The following LOC122455342 variants were observed in gnomAD, a reference collection of about 807,000 sequenced individuals.
chr17:76,569,084 G>T, the LOC122455342 span: 1 of 151,236 alleles, frequency 6.6e-6, no homozygotes, highest in Non-Finnish European at 1.2e-5. Flanking sequence ...TGGGGGTGGT[G>T]GGGGGGCGGG....
chr17:76,568,904 A>G, the LOC122455342 span: 1 of 1,040,330 alleles, frequency 9.6e-7, no homozygotes, highest in Admixed American at 1.9e-5. Context: ...CCTGAGCGGT[A>G]GGAGCGGGGC....
chr17:76,569,273 G>A, the LOC122455342 span: 1 of 309,624 alleles, frequency 3.2e-6, no homozygotes, highest in East Asian at 5.0e-5. Flanking sequence ...TTCTGAATTG[G>A]CCCGATATAG....
the LOC122455342 span, chr17:76,569,064 G>A: frequency 2.5e-5 from 3 of 118,128 alleles, no homozygotes; most frequent in African/African-American, 9.1e-5. Flanking sequence ...TTGGGAAGGG[G>A]CAGTTAAACT....
the LOC122455342 span, chr17:76,568,868 T>A: frequency 5.9e-5 from 83 of 1,398,612 alleles, no homozygotes; most frequent in Non-Finnish European, 7.5e-5. Context: ...GAGGGGAGGG[T>A]CAGGGCGCCG....
chr17:76,569,421 GCGGGGCACGTGTTGGACCT>G, the LOC122455342 span: 1 of 385,022 alleles, frequency 2.6e-6, no homozygotes, highest in Non-Finnish European at 4.5e-6. Context: ...GGGCAGCCCC[GCGGGGCACGTGTTGGACCT>G]GAGGACTGGG....
chr17:76,569,449 G>C, the LOC122455342 span: 1 of 365,090 alleles, frequency 2.7e-6, no homozygotes, highest in African/African-American at 2.3e-5. Context: ...CTGAGGACTG[G>C]GGTTCAGGGA....
the LOC122455342 span, chr17:76,569,239 TA>T: frequency 4.6e-6 from 1 of 218,192 alleles, no homozygotes; most frequent in Non-Finnish European, 7.8e-6. Context: ...GCGGGGCACA[TA>T]GGGGGTGATA....
At chr17:76,569,379 G>T in the LOC122455342 span, 13 of 395,884 alleles carry the variant, frequency 3.3e-5, no homozygotes, top group African/African-American at 2.3e-4. Context: ...CAGACTGGGA[G>T]GGAGATTTGG....
chr17:76,569,351 G>A, the LOC122455342 span: 11 of 392,414 alleles, frequency 2.8e-5, no homozygotes, highest in Admixed American at 4.5e-5. Context: ...GAAGGGTTTC[G>A]AGAGAGGGAT....
chr17:76,569,521 GAA>G, the LOC122455342 span: 1 of 209,698 alleles, frequency 4.8e-6, no homozygotes, highest in Non-Finnish European at 8.9e-6. Flanking sequence ...GGGCCGGGAG[GAA>G]GAGCCCCGAG....
the LOC122455342 span, chr17:76,569,614 G>A: frequency 7.5e-6 from 3 of 398,696 alleles, no homozygotes; most frequent in Non-Finnish European, 1.3e-5. Context: ...AGACTGGGTA[G>A]GGGATGGATT....
chr17:76,568,932 G>T, the LOC122455342 span: 2 of 749,120 alleles, frequency 2.7e-6, no homozygotes, highest in African/African-American at 1.8e-5. Flanking sequence ...AGTAGCGGGA[G>T]AAGGGGGTGT....
chr17:76,569,505 G>A, the LOC122455342 span: 1 of 197,006 alleles, frequency 5.1e-6, no homozygotes, highest in East Asian at 9.7e-5. Context: ...TGGGAGGGTG[G>A]GAGGGGGGCC....
the LOC122455342 span, chr17:76,569,449 G>A: frequency 2.7e-6 from 1 of 365,090 alleles, no homozygotes; most frequent in Admixed American, 4.9e-5. Context: ...CTGAGGACTG[G>A]GGTTCAGGGA....
At chr17:76,569,391 G>T in the LOC122455342 span, 6 of 394,238 alleles carry the variant, frequency 1.5e-5, no homozygotes, top group Non-Finnish European at 2.7e-5. Flanking sequence ...GAGATTTGGA[G>T]GTGGGTGGGG....
chr17:76,568,811 A>G, the LOC122455342 span: 24 of 1,612,392 alleles, frequency 1.5e-5, no homozygotes, highest in Non-Finnish European at 1.9e-5. Flanking sequence ...GACCCATGAT[A>G]GAAGTGGACA....
the LOC122455342 span, chr17:76,569,640 G>A: frequency 2.5e-6 from 1 of 398,616 alleles, no homozygotes; most frequent in Non-Finnish European, 4.4e-6. Context: ...TGTGGGAAGG[G>A]GAGCTCATTG....
At chr17:76,569,538 G>C in the LOC122455342 span, 6 of 394,682 alleles carry the variant, frequency 1.5e-5, no homozygotes, top group Non-Finnish European at 2.2e-5. Flanking sequence ...CCCGAGTGGG[G>C]GAGGGGGAAG....
chr17:76,568,821 A>G, the LOC122455342 span: 1 of 1,610,826 alleles, frequency 6.2e-7, no homozygotes, highest in Non-Finnish European at 8.5e-7. Context: ...AGAAGTGGAC[A>G]GAGCGCCCAG....
Sources: allele counts gnomAD v4.1 joint callset, GRCh38; gene constraint gnomAD v4.1.1; transcripts MANE v1.5.